Variants in C21orf58 observed in about 807,000 individuals in gnomAD.
The protein encoded by C21orf58 is chromosome 21 open reading frame 58.
Under a neutral mutation model 35.8 loss-of-function variants are expected in C21orf58, and 34 were observed. The observed-to-expected ratio is 0.95, with a 90% CI of 0.72 to 1.26. The LOEUF is 1.26. Among genes scored for constraint, C21orf58 ranks in the 50% most tolerant of loss-of-function variants. The probability of loss-of-function intolerance (pLI) is 0.00; values close to 1 mark genes in which losing one functional copy is unlikely to be tolerated. For missense variants in C21orf58, 440 were observed against 414.3 expected, an observed-to-expected ratio of 1.06 and a Z score of -0.54; for synonymous variants, 191 against 175.8, an observed-to-expected ratio of 1.09 and a Z score of -0.68.
intron 2 of C21orf58, 34 bp from the exon 3 acceptor site, chr21:46,317,302 G>A: frequency 1.2e-6 from 2 of 1,603,984 alleles, no homozygotes; most frequent in Non-Finnish European, 1.7e-6. Flanking sequence ...AGAGACGGTG[G>A]CTCCACGCAA....
chr21:46,319,504 T>TTGGGAGTAA (rs1325176794), intron 1 of C21orf58, among the ~76,000 whole-genome samples: 1 of 152,228 alleles, frequency 6.6e-6, no homozygotes, highest in Non-Finnish European at 1.5e-5. Flanking sequence ...GGCTCACGCC[T>TTGGGAGTAA]GTAATCTCAG....
chr21:46,317,128 T>A (rs1311586041), intron 3 of C21orf58, 80 bp downstream of exon 3: 1 of 1,257,650 alleles, frequency 8.0e-7, no homozygotes, highest in Non-Finnish European at 1.1e-6. Context: ...TGTCCCCACC[T>A]CCCCCTGGAG....
At chr21:46,306,967 C>A (rs1351922049) in intron 6 of C21orf58, among the ~76,000 whole-genome samples, 1 of 151,970 alleles carries the variant, frequency 6.6e-6, no homozygotes, top group Non-Finnish European at 1.5e-5. Flanking sequence ...GTGATCTCAG[C>A]TCACTGCAGC....
Position 46,311,575 on chromosome 21 carries a change from C to T in C21orf58, c.610-8G>A, listed in dbSNP as rs1379426836. ...GGCAGGAGGCTGGGGGACCTAGGAACAGCCAGGTGATTAGCTATCTGCATA... is the reference window on the plus strand; with the variant it reads ...GGCAGGAGGCTGGGGGACCTAGGAATAGCCAGGTGATTAGCTATCTGCATA... On this transcript the variant is annotated splice_region_variant and splice_polypyrimidine_tract_variant and intron_variant, in intron 5 of 7. Coordinates refer to ENST00000291691, the MANE Select transcript of C21orf58 (RefSeq NM_058180.5). 3 of 1,573,640 alleles carry T rather than the reference C, an allele frequency of 1.9e-6. No individual in the cohort carries two copies. The highest frequency in any genetic ancestry group is 2.6e-6 in the Non-Finnish European group (3 of 1,148,304).
chr21:46,322,469 C>A (rs990845998), intron 1 of C21orf58, 170 bp downstream of exon 1: 2 of 985,234 alleles, frequency 2.0e-6, no homozygotes, highest in African/African-American at 1.7e-5. Context: ...GAGATTCAGG[C>A]GCGGTCTGGG....
chr21:46,318,414 TC>T (rs2083054903), intron 1 of C21orf58, 194 bp from the exon 2 acceptor site: 3 of 1,429,626 alleles, frequency 2.1e-6, no homozygotes, highest in South Asian at 3.0e-5. Context: ...CAGCTGGGCT[TC>T]ATGGGAAGGC....
At chr21:46,303,746 T>TATATATATATATATATATA (rs1491346235) in intron 6 of C21orf58, among the ~76,000 whole-genome samples, 3 of 12,078 alleles carry the variant, frequency 2.5e-4, no homozygotes, top group Admixed American at 1.6e-3. Flanking sequence ...TATATATATA[T>TATATATATATATATATATA]TTTTTTTTTT....
intron 1 of C21orf58, chr21:46,320,874 A>AT (rs1251795233): frequency 6.6e-6 from 1 of 152,182 alleles, no homozygotes; most frequent in African/African-American, 2.4e-5. Context: ...CAAGTATACT[A>AT]TTATGTATGG....
At chr21:46,321,049 TTTTTAAGAACAG>T (rs2083137996) in intron 1 of C21orf58, among the ~76,000 whole-genome samples, 1 of 151,590 alleles carries the variant, frequency 6.6e-6, no homozygotes, top group Non-Finnish European at 1.5e-5. Flanking sequence ...TTAAATAGGG[TTTTTAAGAACAG>T]TTTTAGATTT....
chr21:46,303,167 GA>G (rs1175733506), intron 6 of C21orf58, among the ~76,000 whole-genome samples: 1,849 of 143,608 alleles, frequency 0.013, 34 homozygotes, highest in African/African-American at 0.043. Flanking sequence ...TCCGTCTCAA[GA>G]AAAAAAAAAA....
rs754645137 is a variant in C21orf58, at chr21:46,302,572, C to T, written c.726G>A (p.Met242Ile). 2 of 1,610,656 alleles carry T rather than the reference C, an allele frequency of 1.2e-6. No homozygotes were observed. The highest frequency in any genetic ancestry group is 1.7e-6 in the Non-Finnish European group (2 of 1,178,422). Residue 242 changes from methionine (M) to isoleucine (I), a missense_variant, in exon 7 of 8, where the codon ATG (methionine) becomes ATA (isoleucine). Met to Ile is a conservative substitution (Grantham distance 10). Transcript: ENST00000291691. ...TQRSGSIKED[M>I]VELLLLQNAQ... ...CGTTCTGCAGCAGCAGCAGCTCCAC[C>T]ATGTCTGCAGGGAAGAAGCAGGGGG...
chr21:46,304,524 C>T (rs1055553207), intron 6 of C21orf58, among the ~76,000 whole-genome samples: 1 of 151,598 alleles, frequency 6.6e-6, no homozygotes, highest in Non-Finnish European at 1.5e-5. Context: ...AAACAAATGG[C>T]CAATAAATAT....
Position 46,318,167 on chromosome 21 carries a change from G to A in C21orf58, c.154C>T (p.Pro52Ser). The change falls in exon 2 of 8, where the codon CCT becomes TCT. Residue 52 changes from proline (P) to serine (S), a missense_variant. Pro to Ser is a moderately conservative substitution (Grantham distance 74). Coordinates refer to ENST00000291691, the MANE Select transcript of C21orf58 (RefSeq NM_058180.5). ...CTCGCAGGAAAGAACTGCTCAGCAG[G>A]AGCCCAAGCACCGGTGTTGCCTGCA... is the stretch of plus-strand genomic sequence containing the variant. ...RPAGNTGAWA[P>S]AEQFFPASNR... The A allele has an allele frequency of 6.2e-7, 1 of 1,613,076 alleles. No homozygotes were observed.
chr21:46,312,978 A>C lies in C21orf58; in HGVS notation c.610-1411T>G, dbSNP rs373831923. The C allele has an allele frequency of 4.1e-5, 40 of 985,348 alleles. No homozygotes were observed. In the East Asian group the frequency reaches 2.9e-3, roughly 73 times the overall value. 61.0% of individuals were successfully genotyped at this position (985,348 alleles called of 1,614,324 possible). A position where few individuals can be genotyped will look rare whatever the true frequency, so the allele number is the denominator to read the frequency against. On this transcript the variant is annotated intron_variant, in intron 5 of 7. Coordinates refer to ENST00000291691, the MANE Select transcript of C21orf58 (RefSeq NM_058180.5). ...TTATAGCCAAATATTCGAGCATGAA[A>C]GGCCTTCTGTTTTATCCTCTTCTAG...
chr21:46,310,781 G>T (rs2082644481), intron 6 of C21orf58, among the ~76,000 whole-genome samples: 3 of 151,796 alleles, frequency 2.0e-5, no homozygotes, highest in Non-Finnish European at 4.4e-5. Flanking sequence ...TTGTATTCCA[G>T]CCTGGGCAAC....
chr21:46,311,633 A>G (rs1601675394), intron 5 of C21orf58, 66 bp from the exon 6 acceptor site: 1 of 904,252 alleles, frequency 1.1e-6, no homozygotes, highest in African/African-American at 1.6e-5. Context: ...AGTATCTACC[A>G]CCCATCCATC....
chr21:46,323,391 TTTTC>T lies in C21orf58; in HGVS notation c.-657_-654del, dbSNP rs1172913257. The T allele has an allele frequency of 1.4e-5, 2 of 139,654 alleles. No individual in the cohort carries two copies. The highest frequency in any genetic ancestry group is 2.5e-5 in the African/African-American group (1 of 39,936). The allele number at this position is 139,654 out of a possible 1,614,324, so 8.7% of individuals were successfully genotyped here. A position where few individuals can be genotyped will look rare whatever the true frequency, so the allele number is the denominator to read the frequency against. ...TCTTCTGTCTACTAAAAACCTTTTC[TTTTC>T]TTTTTTTTTTGAGACCTAAGACATC... On this transcript the variant is annotated 5_prime_UTR_variant, in exon 1 of 8. Coordinates refer to ENST00000291691, the MANE Select transcript of C21orf58 (RefSeq NM_058180.5).
intron 1 of C21orf58, 119 bp downstream of exon 1, chr21:46,322,520 T>TG: frequency 2.3e-6 from 3 of 1,305,512 alleles, no homozygotes; most frequent in Non-Finnish European, 2.9e-6. Flanking sequence ...GTGCAGCCCC[T>TG]GCTCGCTTGG....
At position 46,302,576 on chromosome 21, in the gene C21orf58, T is replaced by A; in HGVS notation, c.722A>T (p.Asp241Val). ...PTQRSGSIKEDMVELLLLQNA... is the reference protein window; with the variant it reads ...PTQRSGSIKEVMVELLLLQNA... The stretch of plus-strand genomic sequence containing the variant: ...CTGCAGCAGCAGCAGCTCCACCATG[T>A]CTGCAGGGAAGAAGCAGGGGGACCC... Residue 241 changes from aspartate (D) to valine (V), a missense_variant and splice_region_variant, in exon 7 of 8, where the codon GAC (aspartate) becomes GTC (valine). Transcript: ENST00000291691. 1 of 1,610,320 alleles carries A rather than the reference T, an allele frequency of 6.2e-7. No homozygotes were observed. The highest frequency in any genetic ancestry group is 2.2e-5 in the East Asian group (1 of 44,750).
Sources: gnomAD v4.1 joint callset for allele counts (sites outside exome capture counted in the v4.1 genomes callset) on GRCh38, gnomAD v4.1.1 for gene constraint, MANE v1.5 for transcripts, NCBI Gene and HGNC (gene_info 2026-07-23, HGNC 2026-07-21) for gene names.